Variants in CHLSN observed in about 807,000 individuals in gnomAD.
CHLSN encodes cholesin.
chr7:1,058,230 G>A, the CHLSN span: 154 of 761,084 alleles, frequency 2.0e-4, no homozygotes, highest in Admixed American at 3.5e-4. Flanking sequence ...GGTGGCCACC[G>A]TGTGCACGCA....
chr7:1,057,691 T>G, the CHLSN span: 1 of 774,264 alleles, frequency 1.3e-6, no homozygotes. Flanking sequence ...AAGGCCAGCA[T>G]GACCATGCCG....
At chr7:1,091,759 G>T in the CHLSN span, 3 of 1,548,474 alleles carry the variant, frequency 1.9e-6, no homozygotes, top group Non-Finnish European at 2.6e-6. Context: ...CCGGGGCGTG[G>T]GCCTGGAGAT....
At chr7:1,018,391 T>G in the CHLSN span, among the ~76,000 whole-genome samples, 1 of 152,250 alleles carries the variant, frequency 6.6e-6, no homozygotes, top group African/African-American at 2.4e-5. Flanking sequence ...AAAGTCCGCC[T>G]GGCTCCGGCC....
the CHLSN span, among the ~76,000 whole-genome samples, chr7:1,036,691 T>C: frequency 1.6e-5 from 2 of 121,498 alleles, 1 homozygote; most frequent in African/African-American, 5.1e-5. Context: ...AAAAATCCGA[T>C]AGGGGAAGAT....
chr7:1,001,752 T>C, the CHLSN span, among the ~76,000 whole-genome samples: 1 of 75,950 alleles, frequency 1.3e-5, no homozygotes, highest in Non-Finnish European at 2.6e-5. Context: ...GTCCTGTGGG[T>C]GAGTGGAGTC....
At chr7:1,078,015 T>G in the CHLSN span, 1 of 152,124 alleles carries the variant, frequency 6.6e-6, no homozygotes, top group Non-Finnish European at 1.5e-5. Flanking sequence ...AACGAAAGCT[T>G]CTCTATACTA....
chr7:1,083,338 G>A, the CHLSN span, among the ~76,000 whole-genome samples: 4 of 152,332 alleles, frequency 2.6e-5, no homozygotes, highest in South Asian at 6.2e-4. Flanking sequence ...GAAGATGAGA[G>A]TGTGGGCCGG....
At chr7:1,130,496 G>A in the CHLSN span, among the ~76,000 whole-genome samples, 3 of 152,120 alleles carry the variant, frequency 2.0e-5, no homozygotes, top group Non-Finnish European at 4.4e-5. Context: ...AGGACAGCAG[G>A]AGCAGAAGAA....
the CHLSN span, among the ~76,000 whole-genome samples, chr7:1,136,361 T>TATATAA: frequency 0.28 from 15,387 of 55,444 alleles, 1,979 homozygotes; most frequent in Middle Eastern, 0.32. Context: ...TATATAAACA[T>TATATAA]ATATATAAAT....
the CHLSN span, among the ~76,000 whole-genome samples, chr7:1,126,265 A>T: frequency 6.7e-6 from 1 of 149,032 alleles, no homozygotes; most frequent in Admixed American, 6.7e-5. Context: ...GGAGGCTGAG[A>T]CAGGAGAGTG....
At chr7:1,124,570 G>A in the CHLSN span, among the ~76,000 whole-genome samples, 2 of 105,848 alleles carry the variant, frequency 1.9e-5, no homozygotes, top group African/African-American at 8.0e-5. Flanking sequence ...GGGGGGTGGG[G>A]GGGGAGGGGG....
At chr7:1,055,208 G>A in the CHLSN span, 2 of 470,152 alleles carry the variant, frequency 4.3e-6, no homozygotes, top group Non-Finnish European at 8.8e-6. Context: ...GAACCCGGCT[G>A]TAAACAGCAG....
the CHLSN span, chr7:1,044,440 C>A: frequency 6.6e-6 from 1 of 150,640 alleles, no homozygotes; most frequent in Non-Finnish European, 1.5e-5. Context: ...CGGTTCCCCG[C>A]GGTCTAGCCG....
chr7:1,071,006 G>GCACACGCACA, the CHLSN span, among the ~76,000 whole-genome samples: 3 of 145,960 alleles, frequency 2.1e-5, no homozygotes, highest in Non-Finnish European at 3.1e-5. Flanking sequence ...ACGTGCACAC[G>GCACACGCACA]CACATGCACA....
the CHLSN span, among the ~76,000 whole-genome samples, chr7:1,122,990 G>A: frequency 1.3e-5 from 2 of 152,106 alleles, no homozygotes; most frequent in East Asian, 1.9e-4. Flanking sequence ...TCCTCCTGCC[G>A]GGCCACCACA....
chr7:1,120,435 G>A, the CHLSN span, among the ~76,000 whole-genome samples: 1 of 152,086 alleles, frequency 6.6e-6, no homozygotes, highest in Non-Finnish European at 1.5e-5. Context: ...GAGATTACAG[G>A]TGCACGCCAC....
At chr7:1,022,935 G>A in the CHLSN span, 24 of 457,946 alleles carry the variant, frequency 5.2e-5, no homozygotes, top group South Asian at 2.3e-4. Context: ...TGGTCCCGGC[G>A]CAGACACTGG....
At chr7:1,058,492 TG>T in the CHLSN span, 2 of 779,888 alleles carry the variant, frequency 2.6e-6, no homozygotes, top group Non-Finnish European at 2.4e-6. Context: ...CCGGACCACA[TG>T]GGGGTGCAGC....
At chr7:1,114,527 T>C in the CHLSN span, among the ~76,000 whole-genome samples, 1 of 152,358 alleles carries the variant, frequency 6.6e-6, no homozygotes. Flanking sequence ...CAGCTTTGGT[T>C]GGACACGGCT....
Sources: allele counts gnomAD v4.1 joint callset (sites outside exome capture counted in the v4.1 genomes callset), GRCh38; gene constraint gnomAD v4.1.1; transcripts MANE v1.5; gene names NCBI Gene and HGNC (gene_info 2026-07-23, HGNC 2026-07-21).